The following TNK2 variants were observed in gnomAD, a reference collection of about 807,000 sequenced individuals.
TNK2 encodes tyrosine kinase non receptor 2.
Under a neutral mutation model 101.8 loss-of-function variants are expected in TNK2, and 83 were observed. The ratio of observed to expected loss-of-function variants is 0.82; its 90% CI spans 0.68 to 0.98. The LOEUF (loss-of-function observed/expected upper bound fraction) is 0.98. TNK2 is among the 50% of genes least tolerant of loss of function. The probability of loss-of-function intolerance (pLI) is 0.00; values close to 1 mark genes in which losing one functional copy is unlikely to be tolerated. For synonymous variants in TNK2, 804 were observed against 633.0 expected (o/e 1.27, Z -4.06); for missense variants, 1,665 against 1,483.2 (o/e 1.12, Z -2.01).
rs1227979014 is a variant in TNK2, at chr3:195,878,766, G to C, written c.1015-174C>G. Among the ~76,000 whole-genome samples, 3 of 152,228 alleles carry C rather than the reference G, an allele frequency of 2.0e-5. No individual in the cohort carries two copies. The highest frequency in any genetic ancestry group is 4.4e-5 in the Non-Finnish European group (3 of 68,040). On this transcript the variant is annotated intron_variant, in intron 7 of 15. Coordinates refer to ENST00000672887, the MANE Select transcript of TNK2 (RefSeq NM_001382273.1). This position sits in a 1 kb window ranked among gnomAD's most constrained non-coding sequence, Gnocchi z 4.7. Reference sequence around the variant, plus strand: ...CCAGAGCCCCAGTCCCTTCTTCCCAGGTCTGGAGCCTCGGAACAAGTGGAT... The same window carrying C: ...CCAGAGCCCCAGTCCCTTCTTCCCACGTCTGGAGCCTCGGAACAAGTGGAT...
chr3:195,870,909 C>T (rs1480741701), intron 10 of TNK2, among the ~76,000 whole-genome samples: 1 of 151,678 alleles, frequency 6.6e-6, no homozygotes, highest in Non-Finnish European at 1.5e-5. Context: ...TGTGGGCCCG[C>T]TGTGTGGGTT....
intron 9 of TNK2, among the ~76,000 whole-genome samples, chr3:195,873,090 G>T (rs748078523): frequency 6.6e-6 from 1 of 152,148 alleles, no homozygotes; most frequent in African/African-American, 2.4e-5. Flanking sequence ...ACCTGCTTCC[G>T]GAGCTTTCCA....
Position 195,868,029 on chromosome 3 carries a change from G to A in TNK2, c.2269C>T (p.Arg757Trp), listed in dbSNP as rs773964222. The A allele has an allele frequency of 1.3e-4, 214 of 1,589,340 alleles. No homozygotes were observed. The highest frequency in any genetic ancestry group is 1.7e-4 in the Non-Finnish European group (205 of 1,172,772). ...GGDDKPQVPP[R>W]VPIPPRPTRP... is the part of the protein sequence containing the mutation. ...GTGGGCCGAGGGGGGATGGGTACCC[G>A]AGGAGGCACCTGGGGCTTGTCGTCA... The change falls in exon 13 of 16, where the codon CGG becomes TGG. Residue 757 changes from arginine to tryptophan, a missense_variant. Physicochemically the swap from Arg to Trp is moderately radical, Grantham distance 101. This residue lies in a region of TNK2 where 1,136 missense variants were observed against 894.9 expected (regional missense o/e 1.27). Transcript: ENST00000672887.
Position 195,878,978 on chromosome 3 carries a change from A to G in TNK2, c.1014+71T>C. 1.3e-6 allele frequency: 2 copies of G among 1,582,094 alleles called. No individual in the cohort carries two copies. The highest frequency in any genetic ancestry group is 2.2e-5 in the South Asian group (2 of 89,342). ...TCCATTGGTGAGAGGCAGTTCCAGC[A>G]GGGCCAGGCTGCAAGCAGGGAATGG... On this transcript the variant is annotated intron_variant, in intron 7 of 15. Transcript: ENST00000672887. This position sits in a 1 kb window ranked among gnomAD's most constrained non-coding sequence, Gnocchi z 4.7.
At chr3:195,892,319 C>G in intron 1 of TNK2, 1 of 1,306,454 alleles carries the variant, frequency 7.7e-7, no homozygotes, top group South Asian at 1.5e-5. Flanking sequence ...GTCCCTCAGC[C>G]GCTCCCAGTC....
intron 9 of TNK2, among the ~76,000 whole-genome samples, chr3:195,877,973 G>A (rs1205529953): frequency 6.6e-6 from 1 of 152,116 alleles, no homozygotes; most frequent in African/African-American, 2.4e-5. Context: ...TGCCACCGAG[G>A]CCAGGCCACT....
rs775044712 is a variant in TNK2, at chr3:195,885,053, G to A, written c.235-20C>T. The A allele has an allele frequency of 1.3e-6, 2 of 1,567,158 alleles. No homozygotes were observed. Among genetic ancestry groups the A allele is most frequent in the East Asian group, 2.3e-5 (1 of 44,322 alleles). The stretch of plus-strand genomic sequence containing the variant: ...GAACACCTGTTTGAAGGCAGCCGGG[G>A]GCCAGATGGAATCCAACACCCCAGG... On this transcript the variant is annotated intron_variant, in intron 3 of 15. Coordinates refer to ENST00000672887, the MANE Select transcript of TNK2 (RefSeq NM_001382273.1). This position sits in a 1 kb window ranked among gnomAD's most constrained non-coding sequence, Gnocchi z 4.7.
chr3:195,872,911 A>G, intron 9 of TNK2: 1 of 167,750 alleles, frequency 6.0e-6, no homozygotes, highest in African/African-American at 2.4e-5. Context: ...ACTTGATTTC[A>G]CTCCTCGGCT....
chr3:195,883,315 C>T lies in TNK2; in HGVS notation c.457-6G>A. ...CACTTCACAGCCACACTCACCTGCC[C>T]AGAGCGGGATTTGCAAGGACTCAGG... On this transcript the variant is annotated splice_region_variant and splice_polypyrimidine_tract_variant and intron_variant, in intron 4 of 15. Transcript: ENST00000672887. 6.2e-7 allele frequency: 1 copy of T among 1,612,780 alleles called. No homozygotes were observed. Among genetic ancestry groups the T allele is most frequent in the Non-Finnish European group, 8.5e-7 (1 of 1,179,928 alleles).
chr3:195,904,225 TC>T (rs2149874796), intron 1 of TNK2, among the ~76,000 whole-genome samples: 1 of 144,346 alleles, frequency 6.9e-6, no homozygotes, highest in South Asian at 2.1e-4. Context: ...ACCACTGCTC[TC>T]CGGCCTGGGA....
chr3:195,879,805 G>C (rs1231120161), intron 6 of TNK2, among the ~76,000 whole-genome samples: 1 of 152,062 alleles, frequency 6.6e-6, no homozygotes, highest in African/African-American at 2.4e-5. Context: ...GGATGGGGCC[G>C]GGAAAGTCAC....
chr3:195,895,086 C>T (rs1359074440), intron 1 of TNK2, among the ~76,000 whole-genome samples: 1 of 152,182 alleles, frequency 6.6e-6, no homozygotes, highest in Non-Finnish European at 1.5e-5. Flanking sequence ...TAAGTCACCA[C>T]CGCCACACCC....
At chr3:195,881,532 A>T (rs1228794003) in intron 6 of TNK2, among the ~76,000 whole-genome samples, 18 of 73,648 alleles carry the variant, frequency 2.4e-4, no homozygotes, top group Middle Eastern at 0.019. Context: ...TATCCCTGTA[A>T]CACCCCCCCC....
intron 1 of TNK2, among the ~76,000 whole-genome samples, chr3:195,903,464 C>G (rs1317329666): frequency 6.6e-6 from 1 of 152,190 alleles, no homozygotes; most frequent in African/African-American, 2.4e-5. Context: ...CCCCCATAAT[C>G]CCAGGACTTT....
intron 1 of TNK2, among the ~76,000 whole-genome samples, chr3:195,894,010 T>A (rs1436382960): frequency 6.6e-6 from 1 of 152,058 alleles, no homozygotes; most frequent in Non-Finnish European, 1.5e-5. Context: ...ACAAAGCTTG[T>A]GGAGATGGCA....
Position 195,867,537 on chromosome 3 carries a change from T to TGGGGGCGGC in TNK2, c.2752_2760dup (p.Ala918_Pro920dup). The TGGGGGCGGC allele has an allele frequency of 1.0e-6, 1 of 964,750 alleles. No individual in the cohort carries two copies. The highest frequency in any genetic ancestry group is 1.3e-6 in the Non-Finnish European group (1 of 771,518). 59.8% of individuals were successfully genotyped at this position (964,750 alleles called of 1,614,324 possible). The stretch of plus-strand genomic sequence containing the variant: ...TGGGGCATCGGCCGCACGGTGGCCG[T>TGGGGGCGGC]GGGGGCGGCGGGGGCTGGGGTGCTG... On this transcript the variant is annotated inframe_insertion, in exon 13 of 16. Coordinates refer to ENST00000672887, the MANE Select transcript of TNK2 (RefSeq NM_001382273.1).
chr3:195,877,186 G>C (rs1476403003), intron 9 of TNK2, among the ~76,000 whole-genome samples: 3 of 152,128 alleles, frequency 2.0e-5, no homozygotes, highest in Non-Finnish European at 4.4e-5. Context: ...CTGTCCCCAG[G>C]CCTCTCTTTC....
chr3:195,878,178 A>C lies in TNK2; in HGVS notation c.1256+75T>G, dbSNP rs955150109. 4 of 1,493,798 alleles carry C rather than the reference A, an allele frequency of 2.7e-6. No homozygotes were observed. The highest frequency in any genetic ancestry group is 3.7e-6 in the Non-Finnish European group (4 of 1,072,530). The allele number at this position is 1,493,798 out of a possible 1,614,324, so 92.5% of individuals were successfully genotyped here. Reference sequence around the variant, plus strand: ...GCCAAGGGAATCTTGGAGGCCAAACAGATCTGTCCACAGGTCCCTCCGACC... The same window carrying C: ...GCCAAGGGAATCTTGGAGGCCAAACCGATCTGTCCACAGGTCCCTCCGACC... On this transcript the variant is annotated intron_variant, in intron 9 of 15. Coordinates refer to ENST00000672887, the MANE Select transcript of TNK2 (RefSeq NM_001382273.1). This position sits in a 1 kb window ranked among gnomAD's most constrained non-coding sequence, Gnocchi z 4.7.
chr3:195,878,556 G>T lies in TNK2; in HGVS notation c.1051C>A (p.Pro351Thr), dbSNP rs759173529. The change falls in exon 8 of 16, where the codon CCC becomes ACC. Residue 351 changes from proline to threonine, a missense_variant. Pro to Thr is a conservative substitution (Grantham distance 38). Coordinates refer to ENST00000672887, the MANE Select transcript of TNK2 (RefSeq NM_001382273.1). The surrounding 1 kb of genome is among the most constrained non-coding windows in gnomAD (Gnocchi z 4.7). ...HKIDKEGERLPRPEDCPQDIY... is the reference protein window; with the variant it reads ...HKIDKEGERLTRPEDCPQDIY... Reference sequence around the variant, plus strand: ...TCCTGGGGACAGTCCTCGGGCCGGGGCAGCCGCTCCCCCTCCTTGTCGATC... The same window carrying T: ...TCCTGGGGACAGTCCTCGGGCCGGGTCAGCCGCTCCCCCTCCTTGTCGATC... 4 of 1,612,956 alleles carry T rather than the reference G, an allele frequency of 2.5e-6. No individual in the cohort carries two copies. In the South Asian group the frequency reaches 3.3e-5, roughly 13 times the overall value.
Sources: allele counts gnomAD v4.1 joint callset (sites outside exome capture counted in the v4.1 genomes callset), GRCh38; gene constraint gnomAD v4.1.1; regional missense constraint gnomAD v4.1.1; non-coding constraint Gnocchi (gnomAD v3.1); transcripts MANE v1.5; gene names NCBI Gene and HGNC (gene_info 2026-07-23, HGNC 2026-07-21).